USP9X: variants seen among roughly 807,000 people sequenced by gnomAD.
The protein encoded by USP9X is ubiquitin specific peptidase 9 X-linked.
A neutral mutation model predicts 190.3 loss-of-function variants in USP9X; 7 were observed. The observed-to-expected ratio is 0.04, with a 90% CI of 0.02 to 0.07. The LOEUF is 0.07. USP9X is among the 10% of genes least tolerant of loss of function. The probability of loss-of-function intolerance (pLI) is 1.00; values close to 1 mark genes in which losing one functional copy is unlikely to be tolerated. For missense variants in USP9X, 1,010 were observed against 1,916.9 expected (o/e 0.53, Z 8.83); for synonymous variants, 645 against 659.5 (o/e 0.98, Z 0.34).
intron 5 of USP9X, among the ~76,000 whole-genome samples, chrX:41,135,513 T>C (rs192964046): frequency 3.2e-3 from 354 of 111,510 alleles, no homozygotes; most frequent in Non-Finnish European, 4.7e-3. Context: ...AAAACAGTAA[T>C]GTATTGTTCA....
rs755747414 is a variant in USP9X, at chrX:41,234,400, G to A, written c.*1876G>A. ...CATTGCATTATTTTGTGATTAAAAG[G>A]GGCAGGTATTTAAGATAAAGCTTTG... On this transcript the variant is annotated 3_prime_UTR_variant, in exon 45 of 45. Transcript: ENST00000378308. 8.9e-6 allele frequency: 1 copy of A among 111,802 alleles called. No homozygotes were observed. Among genetic ancestry groups the A allele is most frequent in the Non-Finnish European group, 1.9e-5 (1 of 53,131 alleles). The allele number at this position is 111,802 out of a possible 1,213,427, so 9.2% of individuals were successfully genotyped here.
intron 1 of USP9X, among the ~76,000 whole-genome samples, chrX:41,110,950 G>T (rs1184698691): frequency 9.0e-6 from 1 of 111,613 alleles, no homozygotes; most frequent in Non-Finnish European, 1.9e-5. Flanking sequence ...AGAGTGGTTT[G>T]AGTGGGAGTG....
intron 1 of USP9X, among the ~76,000 whole-genome samples, chrX:41,089,903 GTTTTTTTTTTTTTT>G (rs139093155): frequency 3.3e-5 from 1 of 30,326 alleles, no homozygotes; most frequent in Non-Finnish European, 5.5e-5. Context: ...ATCTATGAGG[GTTTTTTTTTTTTTT>G]TTTTTTTTTT....
chrX:41,116,296 T>C (rs774853484), intron 1 of USP9X, among the ~76,000 whole-genome samples: 1 of 112,694 alleles, frequency 8.9e-6, no homozygotes, highest in Non-Finnish European at 1.9e-5. Context: ...AGCATGCCTA[T>C]GGAAAGTGAT....
At chrX:41,090,841 G>A (rs1371987450) in intron 1 of USP9X, among the ~76,000 whole-genome samples, 2 of 110,604 alleles carry the variant, frequency 1.8e-5, no homozygotes, top group Admixed American at 1.9e-4. Flanking sequence ...AGAAGAGACA[G>A]GGATTCCACA....
chrX:41,136,987 C>T lies in USP9X; in HGVS notation c.619C>T (p.Leu207Phe). The T allele has an allele frequency of 8.3e-7, 1 of 1,211,665 alleles. No homozygotes were observed. The highest frequency in any genetic ancestry group is 1.1e-6 in the Non-Finnish European group (1 of 895,349). The change falls in exon 6 of 45, where the codon CTC becomes TTC. Residue 207 changes from leucine to phenylalanine, a missense_variant. Leu to Phe is a conservative substitution (Grantham distance 22, BLOSUM62 0). This residue lies in a region of USP9X where 176 missense variants were observed against 247.5 expected (regional missense o/e 0.71). Transcript: ENST00000378308. ...SSSVQLPEDELFARSPDPRSP... is the reference protein window; with the variant it reads ...SSSVQLPEDEFFARSPDPRSP... ...AAGTGTTCAGTTGCCTGAAGATGAA[C>T]TCTTTGCTCGTTCTCCAGATCCTCG...
At chrX:41,114,208 C>T (rs1040399221) in intron 1 of USP9X, among the ~76,000 whole-genome samples, 1 of 111,863 alleles carries the variant, frequency 8.9e-6, no homozygotes, top group Non-Finnish European at 1.9e-5. Flanking sequence ...AATAACATTA[C>T]GGGACTCATG....
At chrX:41,228,062 T>G (rs1464333347) in intron 41 of USP9X, among the ~76,000 whole-genome samples, 1 of 110,778 alleles carries the variant, frequency 9.0e-6, no homozygotes, top group Non-Finnish European at 1.9e-5. Flanking sequence ...TCACTCACCA[T>G]TCCTTCTAAC....
At chrX:41,102,983 AG>A (rs1408471372) in intron 1 of USP9X, among the ~76,000 whole-genome samples, 2 of 110,320 alleles carry the variant, frequency 1.8e-5, no homozygotes, top group African/African-American at 6.6e-5. Flanking sequence ...TAGTAGAGAC[AG>A]GGTTTCGCCA....
At position 41,236,282 on chromosome X, in the gene USP9X, G is replaced by C. The variant is rs768542756; in HGVS notation, c.*3758G>C. The C allele has an allele frequency of 3.6e-5, 4 of 112,161 alleles. No homozygotes were observed. The highest frequency in any genetic ancestry group is 9.5e-5 in the Admixed American group (1 of 10,516). The allele number at this position is 112,161 out of a possible 1,213,427, so 9.2% of individuals were successfully genotyped here. A position where few individuals can be genotyped will look rare whatever the true frequency, so the allele number is the denominator to read the frequency against. ...TTGAGTGTGATAAAACACTACAGAAGTGCTAAGTGTATTGAGAATTTGCTG... is the reference window on the plus strand; with the variant it reads ...TTGAGTGTGATAAAACACTACAGAACTGCTAAGTGTATTGAGAATTTGCTG... On this transcript the variant is annotated 3_prime_UTR_variant, in exon 45 of 45. Transcript: ENST00000378308.
At chrX:41,123,865 G>C in intron 2 of USP9X, 141 bp downstream of exon 2, 1 of 519,858 alleles carries the variant, frequency 1.9e-6, no homozygotes, top group Non-Finnish European at 3.1e-6. Context: ...CAACAGGGTG[G>C]AACCCTGTCT....
chrX:41,216,475 T>C lies in USP9X; in HGVS notation c.5908T>C (p.Ser1970Pro). 1 of 1,211,309 alleles carries C rather than the reference T, an allele frequency of 8.3e-7. No individual in the cohort carries two copies. Among genetic ancestry groups the C allele is most frequent in the Admixed American group, 2.2e-5 (1 of 45,942 alleles). ...AGATGATGAGTTGATAAGATATATATCAGAGCTTGCTATCACCACCAGACC... is the reference window on the plus strand; with the variant it reads ...AGATGATGAGTTGATAAGATATATACCAGAGCTTGCTATCACCACCAGACC... ...DQDDELIRYI[S>P]ELAITTRPHQ... The change falls in exon 35 of 45, where the codon TCA becomes CCA. Residue 1970 changes from serine to proline, a missense_variant. Physicochemically the swap from Ser to Pro is moderately conservative, Grantham distance 74 (BLOSUM62 -1). Transcript: ENST00000378308.
At chrX:41,122,304 C>T (rs992688592) in intron 1 of USP9X, among the ~76,000 whole-genome samples, 11 of 111,483 alleles carry the variant, frequency 9.9e-5, no homozygotes, top group East Asian at 8.4e-4. Context: ...CTCTCCAAAG[C>T]GTCAAAGTTT....
At chrX:41,108,753 A>G (rs1300483340) in intron 1 of USP9X, among the ~76,000 whole-genome samples, 1 of 111,361 alleles carries the variant, frequency 9.0e-6, no homozygotes, top group Non-Finnish European at 1.9e-5. Context: ...TCAGAGTGAC[A>G]CCTCTGCTTC....
chrX:41,171,662 T>G (rs749497779), intron 20 of USP9X, 176 bp from the exon 21 acceptor site: 1 of 548,342 alleles, frequency 1.8e-6, no homozygotes, highest in African/African-American at 2.3e-5. Flanking sequence ...ATGATGTATT[T>G]GATCTGCACT....
At position 41,129,193 on chromosome X, in the gene USP9X, C is replaced by A. The variant is rs751740806; in HGVS notation, c.242+48C>A. The stretch of plus-strand genomic sequence containing the variant: ...AGAAAGAGAGCAGACAGGAAAGTAA[C>A]CCCACTGCCTCCTTAATAGTCTTTA... On this transcript the variant is annotated intron_variant, in intron 3 of 44. Coordinates refer to ENST00000378308, the MANE Select transcript of USP9X (RefSeq NM_001039591.3). The A allele has an allele frequency of 5.2e-6, 6 of 1,147,543 alleles. No individual in the cohort carries two copies. In the South Asian group the frequency reaches 1.2e-4, roughly 22 times the overall value. 94.6% of individuals were successfully genotyped at this position (1,147,543 alleles called of 1,213,427 possible). A position where few individuals can be genotyped will look rare whatever the true frequency, so the allele number is the denominator to read the frequency against.
intron 20 of USP9X, among the ~76,000 whole-genome samples, chrX:41,170,987 C>T (rs1203281173): frequency 9.0e-6 from 1 of 111,505 alleles, no homozygotes; most frequent in Non-Finnish European, 1.9e-5. Flanking sequence ...CCTGTGCAAC[C>T]AGATATACAA....
chrX:41,158,357 G>A (rs917170001), intron 14 of USP9X, among the ~76,000 whole-genome samples: 4 of 111,413 alleles, frequency 3.6e-5, no homozygotes, highest in Admixed American at 9.5e-5. Flanking sequence ...CCTGCACAAG[G>A]AAACCCCAAT....
chrX:41,218,060 G>C (rs1458333483), intron 36 of USP9X, among the ~76,000 whole-genome samples: 2 of 112,122 alleles, frequency 1.8e-5, no homozygotes, highest in African/African-American at 6.5e-5. Context: ...ATGATACATT[G>C]ATTTAATAAT....
Sources: gnomAD v4.1 joint callset for allele counts (sites outside exome capture counted in the v4.1 genomes callset) on GRCh38, gnomAD v4.1.1 for gene constraint, gnomAD v4.1.1 regional missense constraint, MANE v1.5 for transcripts, NCBI Gene and HGNC (gene_info 2026-07-23, HGNC 2026-07-21) for gene names.